Variants in CNTN3 observed in about 807,000 individuals in gnomAD.
The protein encoded by CNTN3 is contactin-3.
CNTN3 carries 60 observed loss-of-function variants against 119.1 expected under a neutral mutation model. That is an observed-to-expected ratio of 0.50 (90% CI 0.41 to 0.62). The LOEUF (loss-of-function observed/expected upper bound fraction) is 0.62, where lower values mean the gene tolerates loss of function less well. Among genes scored for constraint, CNTN3 ranks in the 20% least tolerant of loss-of-function variants. The probability of loss-of-function intolerance (pLI) is 0.00; values close to 1 mark genes in which losing one functional copy is unlikely to be tolerated. For synonymous variants in CNTN3, 450 were observed against 438.7 expected (o/e 1.03, Z -0.32); for missense variants, 1,101 against 1,242.4 (o/e 0.89, Z 1.71).
In CNTN3 at chr3:74,424,939, A is replaced by G; in HGVS notation, c.360T>C (p.Tyr120=). The change falls in exon 5 of 23, where the codon TAT becomes TAC. Residue 120 remains tyrosine (Y), a splice_region_variant and synonymous_variant. Transcript: ENST00000263665. The part of the protein sequence containing the change: ...VSREAKLQFA[Y]LENFKTKMRS... ...TCATTTTGGTTTTAAAATTTTCAAG[A>G]TCTGATTTGAAAACAAAACAAAACT... 3 of 1,586,932 alleles carry G rather than the reference A, an allele frequency of 1.9e-6. No homozygotes were observed. Among genetic ancestry groups the G allele is most frequent in the Non-Finnish European group, 2.6e-6 (3 of 1,166,070 alleles).
At chr3:74,595,426 G>T (rs1453600223) in intron 1 of CNTN3, among the ~76,000 whole-genome samples, 1 of 151,718 alleles carries the variant, frequency 6.6e-6, no homozygotes, top group Non-Finnish European at 1.5e-5. Flanking sequence ...TATGGTTTTA[G>T]GTCTAACATT....
intron 1 of CNTN3, among the ~76,000 whole-genome samples, chr3:74,560,499 T>C (rs1048103670): frequency 2.6e-5 from 4 of 152,132 alleles, no homozygotes; most frequent in African/African-American, 7.2e-5. Context: ...TACATGCACA[T>C]ATTTATAGAA....
At chr3:74,353,683 G>A (rs1279621389) in intron 11 of CNTN3, among the ~76,000 whole-genome samples, 2 of 152,090 alleles carry the variant, frequency 1.3e-5, no homozygotes, top group African/African-American at 4.8e-5. Context: ...GTGAACCCGG[G>A]AGGCGGAGCT....
rs1165575097 is a variant in CNTN3 at position 74,411,772 on chromosome 3, TTAGA to T, written c.454+13069_454+13072del. Among the ~76,000 whole-genome samples the T allele has an allele frequency of 2.8e-4, 43 of 152,236 alleles. 1 individual carries two copies. Among genetic ancestry groups the T allele is most frequent in the Non-Finnish European group, 5.1e-4 (35 of 68,000 alleles). ...GTATTTCACGTTATCAACCCATCAA[TTAGA>T]TAGTCTTGCCAGGAAGGCAGTGCTA... is the stretch of plus-strand genomic sequence containing the variant. On this transcript the variant is annotated intron_variant, in intron 5 of 22. Coordinates refer to ENST00000263665, the MANE Select transcript of CNTN3 (RefSeq NM_020872.3).
At chr3:74,400,257 T>A (rs1185106363) in intron 5 of CNTN3, among the ~76,000 whole-genome samples, 1 of 152,232 alleles carries the variant, frequency 6.6e-6, no homozygotes, top group Non-Finnish European at 1.5e-5. Context: ...TTCTTTTAAC[T>A]TTCTCATTTG....
At chr3:74,398,196 G>C (rs1384801648) in intron 5 of CNTN3, among the ~76,000 whole-genome samples, 1 of 152,188 alleles carries the variant, frequency 6.6e-6, no homozygotes, top group Non-Finnish European at 1.5e-5. Flanking sequence ...TTATCAAATA[G>C]TATTGCATGC....
intron 17 of CNTN3, among the ~76,000 whole-genome samples, chr3:74,299,591 G>C (rs1267794008): frequency 3.3e-5 from 5 of 152,164 alleles, no homozygotes; most frequent in Non-Finnish European, 7.3e-5. Context: ...TTGCAAGGAT[G>C]ACATGAGGAA....
At chr3:74,278,558 TAGG>T (rs762671573) in intron 20 of CNTN3, among the ~76,000 whole-genome samples, 1 of 152,218 alleles carries the variant, frequency 6.6e-6, no homozygotes, top group East Asian at 1.9e-4. Flanking sequence ...TAGCCACATG[TAGG>T]AGAATGAAAC....
intron 3 of CNTN3, among the ~76,000 whole-genome samples, chr3:74,496,146 G>A (rs1029345117): frequency 2.0e-5 from 3 of 151,916 alleles, no homozygotes; most frequent in African/African-American, 7.3e-5. Flanking sequence ...CTACCATATT[G>A]GACAGCAAAC....
chr3:74,459,420 T>G (rs113022192), intron 4 of CNTN3, among the ~76,000 whole-genome samples: 5 of 151,988 alleles, frequency 3.3e-5, no homozygotes, highest in African/African-American at 1.2e-4. Flanking sequence ...ATCTTCCAAG[T>G]GCAAAGCTCA....
chr3:74,308,106 G>A (rs568622987), intron 13 of CNTN3, among the ~76,000 whole-genome samples: 3 of 152,210 alleles, frequency 2.0e-5, no homozygotes, highest in South Asian at 2.1e-4. Flanking sequence ...TAAGACTCCC[G>A]GAAGGAACAG....
intron 5 of CNTN3, among the ~76,000 whole-genome samples, chr3:74,416,639 T>TA (rs200471400): frequency 1.2e-4 from 18 of 151,330 alleles, no homozygotes; most frequent in African/African-American, 3.6e-4. Context: ...AATGTATAAG[T>TA]AAAAAAAAAT....
In CNTN3 at chr3:74,521,057, C is replaced by A. The variant is rs1387982017; in HGVS notation, c.55+1G>T. On this transcript the variant is annotated splice_donor_variant, in intron 2 of 22. Coordinates refer to ENST00000263665, the MANE Select transcript of CNTN3 (RefSeq NM_020872.3). LOFTEE classifies it high-confidence loss of function. ...TTAGAAAATATAGGATTTTTTTTTA[C>A]CTCCTAAGCAGCCAATGAATGAAAG... 6.3e-7 allele frequency: 1 copy of A among 1,576,272 alleles called. No individual in the cohort carries two copies.
At chr3:74,332,321 G>C in intron 13 of CNTN3, among the ~76,000 whole-genome samples, 1 of 152,196 alleles carries the variant, frequency 6.6e-6, no homozygotes, top group South Asian at 2.1e-4. Flanking sequence ...ATGTCATCTT[G>C]TATGGCTTAC....
At chr3:74,282,531 G>C (rs912162641) in intron 20 of CNTN3, among the ~76,000 whole-genome samples, 2 of 152,182 alleles carry the variant, frequency 1.3e-5, no homozygotes, top group Non-Finnish European at 2.9e-5. Context: ...CTGTGGCTGG[G>C]TAAATAAGAC....
At chr3:74,482,491 C>G (rs1046634178) in intron 4 of CNTN3, among the ~76,000 whole-genome samples, 3 of 151,980 alleles carry the variant, frequency 2.0e-5, no homozygotes, top group Non-Finnish European at 4.4e-5. Flanking sequence ...ATGGCCTTTT[C>G]ACTTTCATTT....
At chr3:74,430,566 C>A (rs1010936451) in intron 4 of CNTN3, among the ~76,000 whole-genome samples, 1 of 151,964 alleles carries the variant, frequency 6.6e-6, no homozygotes, top group Non-Finnish European at 1.5e-5. Flanking sequence ...AATAGTGAGA[C>A]CCCATCTCTT....
At chr3:74,367,794 T>C (rs1404953627) in intron 8 of CNTN3, among the ~76,000 whole-genome samples, 1 of 152,062 alleles carries the variant, frequency 6.6e-6, no homozygotes, top group Non-Finnish European at 1.5e-5. Context: ...AGGGTTTCTG[T>C]TATATAGAGC....
At chr3:74,533,585 A>G (rs1442530779) in intron 1 of CNTN3, among the ~76,000 whole-genome samples, 1 of 152,010 alleles carries the variant, frequency 6.6e-6, no homozygotes, top group African/African-American at 2.4e-5. Flanking sequence ...ACTGAGGTAG[A>G]AAAACATTAA....
Sources: allele counts gnomAD v4.1 joint callset (sites outside exome capture counted in the v4.1 genomes callset), GRCh38; gene constraint gnomAD v4.1.1; transcripts MANE v1.5; gene names NCBI Gene and HGNC (gene_info 2026-07-23, HGNC 2026-07-21).